Variants in HPSE2 observed in about 807,000 individuals in gnomAD.
The protein encoded by HPSE2 is heparanase 2 (inactive).
Under a neutral mutation model 60.5 loss-of-function variants are expected in HPSE2, and 38 were observed. That is an observed-to-expected ratio of 0.63 (90% CI 0.48 to 0.82). The LOEUF (loss-of-function observed/expected upper bound fraction) is 0.82. Among genes scored for constraint, HPSE2 ranks in the 40% least tolerant of loss-of-function variants. The pLI is 0.00. For synonymous variants in HPSE2, 295 were observed against 293.2 expected (o/e 1.01, Z -0.06); for missense variants, 713 against 740.4 (o/e 0.96, Z 0.43).
chr10:99,150,505 G>C (rs951806928), intron 2 of HPSE2, among the ~76,000 whole-genome samples: 11 of 152,094 alleles, frequency 7.2e-5, no homozygotes, highest in African/African-American at 2.2e-4. Context: ...ATTTTTTGTA[G>C]AGATGAAATC....
At chr10:98,545,773 A>G (rs1444151045) in intron 9 of HPSE2, among the ~76,000 whole-genome samples, 3 of 151,478 alleles carry the variant, frequency 2.0e-5, no homozygotes, top group Non-Finnish European at 4.4e-5. Context: ...CACCACTCCT[A>G]TTCAACATAG....
chr10:98,743,468 G>C (rs1000538087), intron 4 of HPSE2, among the ~76,000 whole-genome samples: 3 of 152,124 alleles, frequency 2.0e-5, no homozygotes, highest in African/African-American at 4.8e-5. Flanking sequence ...CTGTATAAAG[G>C]TCCTCAAATA....
At chr10:98,846,059 C>T (rs966503377) in intron 3 of HPSE2, among the ~76,000 whole-genome samples, 5 of 152,194 alleles carry the variant, frequency 3.3e-5, no homozygotes, top group African/African-American at 1.2e-4. Context: ...ATTCTCTTTA[C>T]AGCTAGAGTT....
chr10:98,925,841 T>C (rs1435795398), intron 3 of HPSE2, among the ~76,000 whole-genome samples: 2 of 152,284 alleles, frequency 1.3e-5, no homozygotes, highest in Non-Finnish European at 2.9e-5. Context: ...TTTGTATTCA[T>C]TGAGATTTCC....
At chr10:98,510,644 G>T (rs570590757) in intron 9 of HPSE2, among the ~76,000 whole-genome samples, 11 of 152,334 alleles carry the variant, frequency 7.2e-5, no homozygotes, top group Non-Finnish European at 1.5e-4. Flanking sequence ...CCTGGACTCT[G>T]ACCCTAGGCT....
At chr10:99,033,598 C>T (rs1445554366) in intron 3 of HPSE2, among the ~76,000 whole-genome samples, 5 of 152,028 alleles carry the variant, frequency 3.3e-5, no homozygotes, top group Admixed American at 2.0e-4. Context: ...CTGGCTAACA[C>T]GGTGAAACCT....
At chr10:98,561,154 T>G (rs921594352) in intron 9 of HPSE2, among the ~76,000 whole-genome samples, 1 of 51,128 alleles carries the variant, frequency 2.0e-5, no homozygotes, top group Non-Finnish European at 5.7e-5. Context: ...GTGATACTGG[T>G]TTTTTTTTTT....
intron 3 of HPSE2, among the ~76,000 whole-genome samples, chr10:98,754,804 G>T (rs568182435): frequency 6.6e-6 from 1 of 151,172 alleles, no homozygotes; most frequent in South Asian, 2.1e-4. Flanking sequence ...AAGCAAAAGA[G>T]AAATAAAATC....
intron 3 of HPSE2, among the ~76,000 whole-genome samples, chr10:98,972,888 G>A (rs1329313204): frequency 6.6e-6 from 1 of 152,120 alleles, no homozygotes; most frequent in African/African-American, 2.4e-5. Context: ...TATAAGACAT[G>A]TATGGGGTGG....
chr10:98,890,076 T>C (rs894789201), intron 3 of HPSE2, among the ~76,000 whole-genome samples: 6 of 152,228 alleles, frequency 3.9e-5, no homozygotes, highest in African/African-American at 1.4e-4. Flanking sequence ...CATAGTTATC[T>C]TATATGTAGT....
chr10:98,946,488 A>C (rs1256807842), intron 3 of HPSE2, among the ~76,000 whole-genome samples: 2 of 150,688 alleles, frequency 1.3e-5, no homozygotes, highest in Non-Finnish European at 1.5e-5. Flanking sequence ...AAAAAAAAAA[A>C]CAGAAAAGAA....
chr10:98,999,075 T>C (rs1956715375), intron 3 of HPSE2, among the ~76,000 whole-genome samples: 1 of 152,066 alleles, frequency 6.6e-6, no homozygotes, highest in Admixed American at 6.6e-5. Flanking sequence ...AGAGAAATTA[T>C]TGCACTAAAA....
intron 3 of HPSE2, among the ~76,000 whole-genome samples, chr10:98,987,065 C>A (rs993057637): frequency 6.6e-6 from 1 of 151,898 alleles, no homozygotes; most frequent in Non-Finnish European, 1.5e-5. Context: ...ACCAGAGGTA[C>A]AAGGAGGAGC....
chr10:99,004,031 A>C (rs765310491), intron 3 of HPSE2, among the ~76,000 whole-genome samples: 91 of 152,202 alleles, frequency 6.0e-4, no homozygotes, highest in Middle Eastern at 3.4e-3. Flanking sequence ...TCTCAACACT[A>C]TTTTATTTGA....
At chr10:98,789,531 C>T (rs1414658951) in intron 3 of HPSE2, among the ~76,000 whole-genome samples, 3 of 152,214 alleles carry the variant, frequency 2.0e-5, no homozygotes, top group African/African-American at 4.8e-5. Flanking sequence ...GAAGTAAATG[C>T]TGCCTGTCAG....
chr10:99,274,164 G>C, the HPSE2 span, among the ~76,000 whole-genome samples: 1 of 152,132 alleles, frequency 6.6e-6, no homozygotes, highest in African/African-American at 2.4e-5. Flanking sequence ...TGGCCAACAT[G>C]GCAAAACCCT....
intron 3 of HPSE2, among the ~76,000 whole-genome samples, chr10:98,976,451 G>T (rs949496019): frequency 6.6e-6 from 1 of 152,114 alleles, no homozygotes; most frequent in Non-Finnish European, 1.5e-5. Flanking sequence ...ATAGGATGAG[G>T]GATTTATAGC....
At chr10:98,889,220 G>A (rs1021990273) in intron 3 of HPSE2, among the ~76,000 whole-genome samples, 2 of 150,294 alleles carry the variant, frequency 1.3e-5, no homozygotes, top group East Asian at 3.9e-4. Context: ...TATTTATTTT[G>A]GAAACAGGAT....
At chr10:98,681,596 T>A (rs1204675860) in intron 6 of HPSE2, among the ~76,000 whole-genome samples, 3 of 152,206 alleles carry the variant, frequency 2.0e-5, no homozygotes, top group Non-Finnish European at 2.9e-5. Flanking sequence ...TTATAGTATA[T>A]GAGAACAGCT....
Sources: gnomAD v4.1 joint callset for allele counts (sites outside exome capture counted in the v4.1 genomes callset) on GRCh38, gnomAD v4.1.1 for gene constraint, MANE v1.5 for transcripts, NCBI Gene and HGNC (gene_info 2026-07-23, HGNC 2026-07-21) for gene names.